SMAD5: variants seen among roughly 807,000 people sequenced by gnomAD.
SMAD5 encodes MAD, mothers against decapentaplegic homolog 5.
Under a neutral mutation model 43.1 loss-of-function variants are expected in SMAD5, and 9 were observed. The ratio of observed to expected loss-of-function variants is 0.21; its 90% CI spans 0.13 to 0.36. The LOEUF is 0.36. Among genes scored for constraint, SMAD5 ranks in the 10% least tolerant of loss-of-function variants. The pLI is 1.00. For missense variants in SMAD5, 348 were observed against 574.0 expected (o/e 0.61, Z 4.02); for synonymous variants, 190 against 192.4 (o/e 0.99, Z 0.10).
At chr5:136,145,493 AT>A (rs1753230135) in intron 1 of SMAD5, among the ~76,000 whole-genome samples, 1 of 151,944 alleles carries the variant, frequency 6.6e-6, no homozygotes, top group African/African-American at 2.4e-5. Flanking sequence ...GTGAATAAAA[AT>A]TTTAAGTTAT....
chr5:136,143,064 C>T (rs1185433685), intron 1 of SMAD5, among the ~76,000 whole-genome samples: 2 of 151,954 alleles, frequency 1.3e-5, no homozygotes, highest in Non-Finnish European at 2.9e-5. Context: ...CATATTTATT[C>T]CTTTTCTCCT....
chr5:136,163,466 G>C, intron 5 of SMAD5, 75 bp downstream of exon 5: 5 of 1,218,396 alleles, frequency 4.1e-6, no homozygotes, highest in Non-Finnish European at 5.6e-6. Context: ...TTTAAAAACA[G>C]CTTTATTGAG....
At chr5:136,172,784 G>A (rs1329395440) in intron 6 of SMAD5, 129 bp downstream of exon 6, 4 of 660,730 alleles carry the variant, frequency 6.1e-6, no homozygotes, top group East Asian at 2.6e-5. Flanking sequence ...TTAAGTTGCC[G>A]ATATTGAAGA....
At chr5:136,177,170 T>C (rs947528268) in intron 7 of SMAD5, among the ~76,000 whole-genome samples, 167 bp from the exon 8 acceptor site, 6 of 152,246 alleles carry the variant, frequency 3.9e-5, no homozygotes, top group African/African-American at 1.4e-4. Context: ...GCTGTTGTCT[T>C]TTAATTTCAT....
intron 5 of SMAD5, among the ~76,000 whole-genome samples, chr5:136,165,088 T>G (rs1753950431): frequency 6.6e-6 from 1 of 152,184 alleles, no homozygotes; most frequent in East Asian, 1.9e-4. Context: ...TTGCTAAAGC[T>G]TTCCTATAAA....
chr5:136,164,851 T>C (rs1753943783), intron 5 of SMAD5, among the ~76,000 whole-genome samples: 1 of 152,206 alleles, frequency 6.6e-6, no homozygotes, highest in Non-Finnish European at 1.5e-5. Context: ...TAGTTTTAGC[T>C]CTTATATTAG....
At position 136,153,692 on chromosome 5, in the gene SMAD5, A is replaced by T; in HGVS notation, c.-69A>T. 1 of 1,333,260 alleles carries T rather than the reference A, an allele frequency of 7.5e-7. No homozygotes were observed. The highest frequency in any genetic ancestry group is 1.0e-6 in the Non-Finnish European group (1 of 963,854). The allele number at this position is 1,333,260 out of a possible 1,614,324, so 82.6% of individuals were successfully genotyped here. On this transcript the variant is annotated 5_prime_UTR_variant, in exon 3 of 8. Coordinates refer to ENST00000545279, the MANE Select transcript of SMAD5 (RefSeq NM_005903.7). ...GCTTAGGACCTGTGTATGACGTTTC[A>T]CCTGTGATCTGTTCTTTCGGTAGCC...
intron 1 of SMAD5, chr5:136,133,585 C>T (rs1003579222): frequency 6.6e-6 from 1 of 152,338 alleles, no homozygotes; most frequent in African/African-American, 2.4e-5. Context: ...ATTTCTTCTA[C>T]TTCATGTAAA....
At chr5:136,154,982 A>G (rs1753587146) in intron 3 of SMAD5, among the ~76,000 whole-genome samples, 1 of 152,134 alleles carries the variant, frequency 6.6e-6, no homozygotes, top group Non-Finnish European at 1.5e-5. Context: ...CTGTTTTCAC[A>G]GGAGTCAGTC....
At chr5:136,167,256 C>T (rs1308830063) in intron 5 of SMAD5, among the ~76,000 whole-genome samples, 1 of 152,018 alleles carries the variant, frequency 6.6e-6, no homozygotes, top group Non-Finnish European at 1.5e-5. Flanking sequence ...TCATTTGTAC[C>T]TGTCTTTAGG....
At chr5:136,160,362 C>T (rs1753784210) in intron 3 of SMAD5, among the ~76,000 whole-genome samples, 4 of 152,094 alleles carry the variant, frequency 2.6e-5, no homozygotes, top group Admixed American at 2.6e-4. Flanking sequence ...AGTCTTAACT[C>T]CTTGTTCAGT....
intron 1 of SMAD5, among the ~76,000 whole-genome samples, chr5:136,143,446 A>G (rs1434978296): frequency 2.0e-5 from 3 of 151,892 alleles, no homozygotes; most frequent in African/African-American, 7.2e-5. Context: ...AGAACTCTAC[A>G]CGGCACATAG....
chr5:136,142,273 G>A (rs1200529291), intron 1 of SMAD5, among the ~76,000 whole-genome samples: 1 of 152,170 alleles, frequency 6.6e-6, no homozygotes, highest in Non-Finnish European at 1.5e-5. Flanking sequence ...TTCTAGCCAG[G>A]ACGGTTTGGG....
chr5:136,182,043 T>C lies in SMAD5; in HGVS notation c.*4563T>C, dbSNP rs1269202907. The C allele has an allele frequency of 6.6e-6, 1 of 152,182 alleles. No homozygotes were observed. The highest frequency in any genetic ancestry group is 1.5e-5 in the Non-Finnish European group (1 of 68,018). 9.4% of individuals were successfully genotyped at this position (152,182 alleles called of 1,614,324 possible). On this transcript the variant is annotated 3_prime_UTR_variant, in exon 8 of 8. Transcript: ENST00000545279. ...ATGGTTCTTGTCCAAATAACTCAGT[T>C]CTTAAAATTCTTAAAATGATCGTAA...
intron 6 of SMAD5, among the ~76,000 whole-genome samples, chr5:136,173,308 A>G (rs929300719): frequency 6.6e-6 from 1 of 152,148 alleles, no homozygotes; most frequent in Non-Finnish European, 1.5e-5. Flanking sequence ...CAGGAAGGAA[A>G]CCCATCCCAG....
intron 4 of SMAD5, among the ~76,000 whole-genome samples, chr5:136,162,794 G>C (rs762811366): frequency 6.6e-6 from 1 of 152,190 alleles, no homozygotes; most frequent in Non-Finnish European, 1.5e-5. Flanking sequence ...GACAATTGCT[G>C]TTAGTGTTGA....
chr5:136,144,044 A>G (rs1753181304), intron 1 of SMAD5, among the ~76,000 whole-genome samples: 1 of 152,116 alleles, frequency 6.6e-6, no homozygotes, highest in Non-Finnish European at 1.5e-5. Flanking sequence ...ATAATAGCAG[A>G]TAATGGGTTC....
In SMAD5 at chr5:136,162,152, G is replaced by C. The variant is rs567196365; in HGVS notation, c.655+1045G>C. ...CTGAATGGGACGTGATTAAATCACA[G>C]AGTGCACTCACACACACCCCGGCAC... On this transcript the variant is annotated intron_variant, in intron 4 of 7. Coordinates refer to ENST00000545279, the MANE Select transcript of SMAD5 (RefSeq NM_005903.7). 2.0e-5 allele frequency among the ~76,000 whole-genome samples: 3 copies of C among 152,054 alleles called. No homozygotes were observed. The East Asian group carries it at 5.8e-4, about 29-fold the overall frequency.
intron 5 of SMAD5, among the ~76,000 whole-genome samples, chr5:136,167,372 A>G (rs1754057464): frequency 6.6e-6 from 1 of 152,076 alleles, no homozygotes; most frequent in African/African-American, 2.4e-5. Context: ...TCTCATCTGC[A>G]TTCTTTGCCA....
Sources: gnomAD v4.1 joint callset for allele counts (sites outside exome capture counted in the v4.1 genomes callset) on GRCh38, gnomAD v4.1.1 for gene constraint, MANE v1.5 for transcripts, NCBI Gene and HGNC (gene_info 2026-07-23, HGNC 2026-07-21) for gene names.